The following C1orf87 variants were observed in gnomAD, a reference collection of about 807,000 sequenced individuals.
C1orf87 encodes the protein uncharacterized protein C1orf87.
In C1orf87, 58 loss-of-function variants were observed where a neutral mutation model predicts 60.5. The observed-to-expected ratio is 0.96, with a 90% CI of 0.78 to 1.19. C1orf87 has a LOEUF of 1.19. Ranked by LOEUF, C1orf87 falls within the 50% of genes most tolerant of loss-of-function variation. The probability of loss-of-function intolerance (pLI) is 0.00; values close to 1 mark genes in which losing one functional copy is unlikely to be tolerated. For synonymous variants in C1orf87, 236 were observed against 227.4 expected (o/e 1.04, Z -0.34); for missense variants, 673 against 638.6 (o/e 1.05, Z -0.58).
At chr1:60,050,735 T>C (rs1444243400) in intron 3 of C1orf87, among the ~76,000 whole-genome samples, 1 of 152,098 alleles carries the variant, frequency 6.6e-6, no homozygotes, top group East Asian at 1.9e-4. Flanking sequence ...TGAGAAAGTT[T>C]CTAGTGTTTT....
chr1:60,012,335 AT>A (rs1645092189), intron 8 of C1orf87, among the ~76,000 whole-genome samples: 1 of 152,140 alleles, frequency 6.6e-6, no homozygotes, highest in Non-Finnish European at 1.5e-5. Flanking sequence ...TCTGGATAAA[AT>A]GACACCAGAA....
intron 9 of C1orf87, among the ~76,000 whole-genome samples, chr1:60,009,997 T>C (rs1297733255): frequency 6.6e-6 from 1 of 150,914 alleles, no homozygotes; most frequent in African/African-American, 2.4e-5. Flanking sequence ...ACTAAACATA[T>C]ATATACATCT....
intron 11 of C1orf87, among the ~76,000 whole-genome samples, chr1:59,992,734 G>A (rs1644933103): frequency 6.6e-6 from 1 of 152,174 alleles, no homozygotes; most frequent in Non-Finnish European, 1.5e-5. Flanking sequence ...TTTTAAATGT[G>A]CAAGTACTAT....
In C1orf87 at chr1:60,033,660, G is replaced by C. The variant is rs1259059594; in HGVS notation, c.864-19C>G. On this transcript the variant is annotated intron_variant, in intron 6 of 11. Transcript: ENST00000371201. ...TGGAGTGCTGATTGTAGGGGAAATG[G>C]GGAAGGCTATGAAAAGGTTATCCAC... 4.4e-6 allele frequency: 7 copies of C among 1,606,262 alleles called. No homozygotes were observed. Among genetic ancestry groups the C allele is most frequent in the Non-Finnish European group, 6.0e-6 (7 of 1,176,238 alleles).
intron 3 of C1orf87, among the ~76,000 whole-genome samples, chr1:60,049,769 T>C (rs1195128787): frequency 1.3e-5 from 2 of 152,136 alleles, no homozygotes; most frequent in African/African-American, 4.8e-5. Flanking sequence ...TATATCCTAA[T>C]GTACATCTTA....
At chr1:60,039,313 C>CT (rs1473556924) in intron 5 of C1orf87, among the ~76,000 whole-genome samples, 56 of 152,244 alleles carry the variant, frequency 3.7e-4, no homozygotes, top group Admixed American at 3.6e-3. Flanking sequence ...CTCTGGCTCC[C>CT]TGAATTTAGT....
At chr1:59,993,620 A>C (rs1049062251) in intron 11 of C1orf87, among the ~76,000 whole-genome samples, 2 of 152,154 alleles carry the variant, frequency 1.3e-5, no homozygotes, top group African/African-American at 4.8e-5. Context: ...CACTGAATGA[A>C]ATTTGTATCT....
chr1:60,029,843 G>A (rs142619386), intron 7 of C1orf87, among the ~76,000 whole-genome samples: 1,926 of 151,872 alleles, frequency 0.013, 51 homozygotes, highest in African/African-American at 0.045. Flanking sequence ...GTTTCACCAT[G>A]TTGGCCAGGA....
chr1:60,043,492 C>T (rs1038332512), intron 3 of C1orf87, among the ~76,000 whole-genome samples: 16 of 152,104 alleles, frequency 1.1e-4, no homozygotes, highest in African/African-American at 3.6e-4. Context: ...AGAGATTTTC[C>T]TGCTTCTGCC....
chr1:60,057,053 T>G (rs1309435212), intron 2 of C1orf87, among the ~76,000 whole-genome samples: 1 of 152,120 alleles, frequency 6.6e-6, no homozygotes, highest in Non-Finnish European at 1.5e-5. Flanking sequence ...AGGAAAAAAC[T>G]CTGATGGATA....
chr1:60,027,000 C>G (rs1645202623), intron 7 of C1orf87, among the ~76,000 whole-genome samples: 1 of 152,314 alleles, frequency 6.6e-6, no homozygotes, highest in South Asian at 2.1e-4. Flanking sequence ...GTGTAACTAT[C>G]CAATATCCAA....
At chr1:60,056,134 C>T (rs1023464541) in intron 2 of C1orf87, among the ~76,000 whole-genome samples, 1 of 152,042 alleles carries the variant, frequency 6.6e-6, no homozygotes, top group East Asian at 1.9e-4. Context: ...GTCCCAGCTA[C>T]TTGGGAGGCT....
At chr1:60,059,049 A>G (rs375577684) in intron 2 of C1orf87, among the ~76,000 whole-genome samples, 4 of 152,154 alleles carry the variant, frequency 2.6e-5, no homozygotes, top group African/African-American at 9.7e-5. Flanking sequence ...ACCAAAAATA[A>G]CCTGTTAAAT....
At chr1:60,030,412 A>G (rs768257084) in intron 7 of C1orf87, among the ~76,000 whole-genome samples, 1 of 152,212 alleles carries the variant, frequency 6.6e-6, no homozygotes, top group Non-Finnish European at 1.5e-5. Flanking sequence ...ACTTAAACAC[A>G]TGTCCTAGCT....
chr1:59,995,774 T>A (rs1644959529), intron 11 of C1orf87, among the ~76,000 whole-genome samples: 1 of 152,232 alleles, frequency 6.6e-6, no homozygotes, highest in African/African-American at 2.4e-5. Flanking sequence ...TCTTCCCACC[T>A]CAGCCTCCCA....
chr1:60,061,790 AAAAAAAAAAAAAT>A (rs1356106727), intron 2 of C1orf87, among the ~76,000 whole-genome samples: 17 of 150,514 alleles, frequency 1.1e-4, no homozygotes, highest in Non-Finnish European at 1.8e-4. Flanking sequence ...AAAAAAAAAA[AAAAAAAAAAAAAT>A]AGCTGGGCTT....
rs116598099 is a variant in C1orf87 at position 59,990,815 on chromosome 1, C to T, written c.1499G>A (p.Arg500Gln). 1.9e-3 allele frequency: 3,141 copies of T among 1,613,904 alleles called. 66 individuals are homozygous for T. The African/African-American group carries it at 0.038, about 19-fold the overall frequency. ...GTAGTTGTGAATGAGGCGTCTGGCT[C>T]GTTCCTTCTCCAGAACTCCTGTGAT... is the stretch of plus-strand genomic sequence containing the variant. ...LSNTGVLEKE[R>Q]ARRLIHNYNL... Residue 500 changes from arginine (R) to glutamine (Q), a missense_variant, in exon 12 of 12, where the codon CGA becomes CAA. Arg to Gln is a conservative substitution (Grantham distance 43). Coordinates refer to ENST00000371201, the MANE Select transcript of C1orf87 (RefSeq NM_152377.3).
chr1:60,010,716 G>A (rs551248917), intron 8 of C1orf87: 1 of 284,016 alleles, frequency 3.5e-6, no homozygotes, highest in African/African-American at 2.2e-5. Context: ...CCAGAGATCA[G>A]GGAACAGCAA....
intron 11 of C1orf87, among the ~76,000 whole-genome samples, chr1:59,994,407 C>T (rs1452053351): frequency 1.3e-5 from 2 of 152,090 alleles, no homozygotes. Flanking sequence ...TTGAGCTTGG[C>T]TTTCTTCTCT....
Sources: gnomAD v4.1 joint callset for allele counts (sites outside exome capture counted in the v4.1 genomes callset) on GRCh38, gnomAD v4.1.1 for gene constraint, MANE v1.5 for transcripts, NCBI Gene and HGNC (gene_info 2026-07-23, HGNC 2026-07-21) for gene names.